The following RINL variants were observed in gnomAD, a reference collection of about 807,000 sequenced individuals.
The protein encoded by RINL is ras and Rab interactor-like protein.
A neutral mutation model predicts 58.1 loss-of-function variants in RINL; 39 were observed. The ratio of observed to expected loss-of-function variants is 0.67; its 90% CI spans 0.52 to 0.88. The LOEUF (loss-of-function observed/expected upper bound fraction) is 0.88. Ranked by LOEUF, RINL falls within the 40% of genes least tolerant of loss-of-function variation. The probability of loss-of-function intolerance (pLI) is 0.00; values close to 1 mark genes in which losing one functional copy is unlikely to be tolerated. For synonymous variants in RINL, 286 were observed against 323.1 expected (o/e 0.89, Z 1.23); for missense variants, 711 against 749.2 (o/e 0.95, Z 0.60).
Position 38,870,601 on chromosome 19 carries a change from A to G in RINL, c.993T>C (p.Gly331=), listed in dbSNP as rs756025944. ...SYIRAVFGSR[G]PGLPKKDEDP... ...CCTCGTCCTTCTTGGGGAGCCCAGG[A>G]CCCCTGCTTCCAAAGACAGCCCTGA... The change falls in exon 8 of 12, where the codon GGT becomes GGC. Residue 331 remains glycine, a synonymous_variant. Coordinates refer to ENST00000591812, the MANE Select transcript of RINL (RefSeq NM_001195833.2). The surrounding 1 kb of genome is among the most constrained non-coding windows in gnomAD (Gnocchi z 5.8). 2 of 1,599,964 alleles carry G rather than the reference A, an allele frequency of 1.3e-6. No homozygotes were observed. The highest frequency in any genetic ancestry group is 1.3e-5 in the African/African-American group (1 of 74,318).
intron 3 of RINL, among the ~76,000 whole-genome samples, chr19:38,875,169 T>G (rs1972893761): frequency 6.7e-6 from 1 of 150,182 alleles, no homozygotes; most frequent in African/African-American, 2.4e-5. Flanking sequence ...ATAAAAAAAT[T>G]AAAAATATTG....
chr19:38,876,484 G>A lies in RINL; in HGVS notation c.57C>T (p.Val19=). The change falls in exon 3 of 12, where the codon GTC becomes GTT. Residue 19 remains valine, a synonymous_variant. Transcript: ENST00000591812. ...TGTCTGCTTTGTTCACCTGTGGTGGGACCAGCCTGGGATGGACAGTGTCCA... is the reference window on the plus strand; with the variant it reads ...TGTCTGCTTTGTTCACCTGTGGTGGAACCAGCCTGGGATGGACAGTGTCCA... ...PEVPTEGVRL[V]PPQVNKADRT... 6.5e-7 allele frequency: 1 copy of A among 1,535,988 alleles called. No homozygotes were observed. The highest frequency in any genetic ancestry group is 8.7e-7 in the Non-Finnish European group (1 of 1,146,776).
At chr19:38,874,653 C>A (rs1343429511) in intron 3 of RINL, among the ~76,000 whole-genome samples, 2 of 152,162 alleles carry the variant, frequency 1.3e-5, no homozygotes, top group African/African-American at 4.8e-5. Flanking sequence ...AAGGATGATA[C>A]CCTCCTGAGG....
chr19:38,871,338 CT>C, intron 6 of RINL, 111 bp from the exon 7 acceptor site: 1 of 1,246,758 alleles, frequency 8.0e-7, no homozygotes, highest in Non-Finnish European at 1.1e-6. Flanking sequence ...GGTGCTGAGG[CT>C]TAGCTCCTGG....
Position 38,876,426 on chromosome 19 carries a change from G to T in RINL, c.115C>A (p.Pro39Thr), listed in dbSNP as rs769778468. 3.3e-6 allele frequency: 5 copies of T among 1,536,032 alleles called. No homozygotes were observed. Among genetic ancestry groups the T allele is most frequent in the Non-Finnish European group, 3.5e-6 (4 of 1,146,838 alleles). Residue 39 changes from proline (P) to threonine (T), a missense_variant, in exon 3 of 12, where the codon CCA becomes ACA. Transcript: ENST00000591812. ...TPLGVLSTLE[P>T]LTRLQRTWGV... ...CATGTCCTCTGCAGGCGAGTAAGTGGCTCTAGGGTGCTGAGGACCCCTAGA... is the reference window on the plus strand; with the variant it reads ...CATGTCCTCTGCAGGCGAGTAAGTGTCTCTAGGGTGCTGAGGACCCCTAGA...
At position 38,876,474 on chromosome 19, in the gene RINL, C is replaced by T. The variant is rs770249044; in HGVS notation, c.67G>A (p.Val23Met). 31 of 1,535,942 alleles carry T rather than the reference C, an allele frequency of 2.0e-5. No homozygotes were observed. In the East Asian group the frequency reaches 5.1e-4, roughly 25 times the overall value. Residue 23 changes from valine to methionine, a missense_variant, in exon 3 of 12, where the codon GTG becomes ATG. By Grantham distance (21) the Val-to-Met change is conservative. Coordinates refer to ENST00000591812, the MANE Select transcript of RINL (RefSeq NM_001195833.2). ...AGAGGGGTCCTGTCTGCTTTGTTCA[C>T]CTGTGGTGGGACCAGCCTGGGATGG... The part of the protein sequence containing the change: ...TEGVRLVPPQ[V>M]NKADRTPLGV...
chr19:38,869,717 G>A lies in RINL; in HGVS notation c.1343-13C>T. On this transcript the variant is annotated splice_polypyrimidine_tract_variant and intron_variant, in intron 9 of 11. Transcript: ENST00000591812. The surrounding 1 kb of genome is among the most constrained non-coding windows in gnomAD (Gnocchi z 5.7). ...GCCCCCAGGGGATCTGGGAAAACCA[G>A]AGGAAAGGTCTTGAGATGGATCCCC... is the stretch of plus-strand genomic sequence containing the variant. 1 of 1,613,526 alleles carries A rather than the reference G, an allele frequency of 6.2e-7. No individual in the cohort carries two copies. The highest frequency in any genetic ancestry group is 1.1e-5 in the South Asian group (1 of 91,046).
At chr19:38,878,175 C>G (rs937028477) in intron 1 of RINL, 57 bp downstream of exon 1, 3 of 151,934 alleles carry the variant, frequency 2.0e-5, no homozygotes, top group African/African-American at 7.3e-5. Flanking sequence ...CTGCCTCATA[C>G]CAAAGGGAGG....
Position 38,871,877 on chromosome 19 carries a change from TG to T in RINL, c.314-8del. 1 of 1,612,210 alleles carries T rather than the reference TG, an allele frequency of 6.2e-7. No individual in the cohort carries two copies. Among genetic ancestry groups the T allele is most frequent in the Non-Finnish European group, 8.5e-7 (1 of 1,178,486 alleles). ...GAGGATTCCAGGGACACACCTGTGG[TG>T]GGGGGAGGAAGAAGGAGAAAGTAAA... On this transcript the variant is annotated splice_region_variant and splice_polypyrimidine_tract_variant and intron_variant, in intron 4 of 11. Transcript: ENST00000591812.
rs369751216 is a variant in RINL, at chr19:38,869,319, G to C, written c.1566C>G (p.Ser522=). The change falls in exon 11 of 12, where the codon TCC becomes TCG. Residue 522 remains serine (S), a synonymous_variant. Coordinates refer to ENST00000591812, the MANE Select transcript of RINL (RefSeq NM_001195833.2). The surrounding 1 kb of genome is among the most constrained non-coding windows in gnomAD (Gnocchi z 5.7). The part of the protein sequence containing the change: ...ETDRAPRGLS[S]EARASLHQWH... ...ACTGGTGCAGGGAGGCGCGGGCCTC[G>C]GAGCTGAGCCCCCGGGGAGCGCGGT... 3.7e-6 allele frequency: 6 copies of C among 1,613,900 alleles called. No homozygotes were observed. The highest frequency in any genetic ancestry group is 5.1e-6 in the Non-Finnish European group (6 of 1,180,000).
At chr19:38,877,862 C>G (rs1224864969) in intron 1 of RINL, among the ~76,000 whole-genome samples, 1 of 152,178 alleles carries the variant, frequency 6.6e-6, no homozygotes, top group East Asian at 1.9e-4. Context: ...AATTAGGTGC[C>G]TCTGCCCTGG....
Position 38,870,152 on chromosome 19 carries a change from C to A in RINL, c.1133G>T (p.Arg378Leu). ...LRAPELRRLR[R>L]RQTALRAGAG... ...CCCCGCCCGCAGGGCTGTCTGTCGC[C>A]GCCGCAGCCGCCGCAGCTCCGGTGC... The change falls in exon 9 of 12, where the codon CGG (arginine) becomes CTG (leucine). Residue 378 changes from arginine (R) to leucine (L), a missense_variant. Transcript: ENST00000591812. This position sits in a 1 kb window ranked among gnomAD's most constrained non-coding sequence, Gnocchi z 5.8. The A allele has an allele frequency of 1.4e-6, 2 of 1,407,320 alleles. 1 individual carries two copies. The highest frequency in any genetic ancestry group is 3.1e-5 in the South Asian group (2 of 64,794). The allele number at this position is 1,407,320 out of a possible 1,614,324, so 87.2% of individuals were successfully genotyped here.
intron 3 of RINL, among the ~76,000 whole-genome samples, chr19:38,874,871 A>G (rs1296718327): frequency 6.6e-6 from 1 of 152,182 alleles, no homozygotes; most frequent in African/African-American, 2.4e-5. Context: ...ACGGTGGCTC[A>G]CGCCTGTAAT....
Position 38,874,312 on chromosome 19 carries a change from G to A in RINL, c.211-324C>T, listed in dbSNP as rs994262372. Among the ~76,000 whole-genome samples, 6 of 151,422 alleles carry A rather than the reference G, an allele frequency of 4.0e-5. No homozygotes were observed. In the East Asian group the frequency reaches 7.8e-4, roughly 20 times the overall value. On this transcript the variant is annotated intron_variant, in intron 3 of 11. Coordinates refer to ENST00000591812, the MANE Select transcript of RINL (RefSeq NM_001195833.2). ...TTTTGAGACGGAGTCTTGCCCTGTC[G>A]CCCAGGCTGGAGTGCAGTGGCACAA...
At position 38,869,299 on chromosome 19, in the gene RINL, T is replaced by C. The variant is rs140416410; in HGVS notation, c.1586A>G (p.His529Arg). The change falls in exon 11 of 12, where the codon CAC (histidine) becomes CGC (arginine). Residue 529 changes from histidine to arginine, a missense_variant. By Grantham distance (29) the His-to-Arg change is conservative. Coordinates refer to ENST00000591812, the MANE Select transcript of RINL (RefSeq NM_001195833.2). The surrounding 1 kb of genome is among the most constrained non-coding windows in gnomAD (Gnocchi z 5.7). ...CAGCGTCCGCCTGCGGTGCCACTGG[T>C]GCAGGGAGGCGCGGGCCTCGGAGCT... is the stretch of plus-strand genomic sequence containing the variant. Reference protein sequence around the residue: ...GLSSEARASLHQWHRRRTLHR... With the variant: ...GLSSEARASLRQWHRRRTLHR... The C allele has an allele frequency of 1.8e-4, 297 of 1,614,044 alleles. No individual in the cohort carries two copies. Among genetic ancestry groups the C allele is most frequent in the Non-Finnish European group, 2.4e-4 (282 of 1,179,982 alleles).
chr19:38,868,235 G>GCACCC lies in RINL; in HGVS notation c.*864_*868dup, dbSNP rs1390510503. On this transcript the variant is annotated 3_prime_UTR_variant, in exon 12 of 12. Transcript: ENST00000591812. ...GCTGGGATTACAGGCATGAGCAACC[G>GCACCC]CACCCGGCCTCACTTGTTTCTTTTT... is the stretch of plus-strand genomic sequence containing the variant. 6.6e-6 allele frequency: 1 copy of GCACCC among 152,002 alleles called. No homozygotes were observed. Among genetic ancestry groups the GCACCC allele is most frequent in the Non-Finnish European group, 1.5e-5 (1 of 68,022 alleles). The allele number at this position is 152,002 out of a possible 1,614,324, so 9.4% of individuals were successfully genotyped here. A position where few individuals can be genotyped will look rare whatever the true frequency, so the allele number is the denominator to read the frequency against.
chr19:38,877,659 T>C (rs2318462), intron 1 of RINL, among the ~76,000 whole-genome samples: 39,590 of 152,124 alleles, frequency 0.26, 5,719 homozygotes, highest in Admixed American at 0.35. Flanking sequence ...CTCTCTCTCT[T>C]CATCCACCCA....
chr19:38,869,909 TC>T lies in RINL; in HGVS notation c.1342+33del. The T allele has an allele frequency of 6.4e-7, 1 of 1,566,030 alleles. No individual in the cohort carries two copies. ...CGCCTGGCTCCAACTCTCAAGGCTCTCCCCACCACGCTAGACGTTGACCCCT... is the reference window on the plus strand; with the variant it reads ...CGCCTGGCTCCAACTCTCAAGGCTCTCCCACCACGCTAGACGTTGACCCCT... On this transcript the variant is annotated intron_variant, in intron 9 of 11. Transcript: ENST00000591812. The surrounding 1 kb of genome is among the most constrained non-coding windows in gnomAD (Gnocchi z 5.7).
rs1423103996 is a variant in RINL, at chr19:38,870,823, G to T, written c.771C>A (p.Asp257Glu). The change falls in exon 8 of 12, where the codon GAC (aspartate) becomes GAA (glutamate). Residue 257 changes from aspartate to glutamate, a missense_variant. Transcript: ENST00000591812. This position sits in a 1 kb window ranked among gnomAD's most constrained non-coding sequence, Gnocchi z 5.8. ...GAGACTGGACGTGAATGGTGAGCAC[G>T]TCCTCAGGGCCTTCCTCTTCAGGGT... ...EDDPEEEGPE[D>E]VLTIHVQSLV... 5.0e-6 allele frequency: 8 copies of T among 1,610,348 alleles called. No homozygotes were observed. The highest frequency in any genetic ancestry group is 2.7e-5 in the African/African-American group (2 of 75,036).
Sources: gnomAD v4.1 joint callset for allele counts (sites outside exome capture counted in the v4.1 genomes callset) on GRCh38, gnomAD v4.1.1 for gene constraint, Gnocchi (gnomAD v3.1) non-coding constraint, MANE v1.5 for transcripts, NCBI Gene and HGNC (gene_info 2026-07-23, HGNC 2026-07-21) for gene names.